CHLSN: variants seen among roughly 807,000 people sequenced by gnomAD.
The protein encoded by CHLSN is protein cholesin.
At chr7:1,126,450 G>A in the CHLSN span, among the ~76,000 whole-genome samples, 2 of 151,822 alleles carry the variant, frequency 1.3e-5, no homozygotes, top group African/African-American at 4.8e-5. Context: ...AGGCCGAGGT[G>A]GGTGGATCAC....
chr7:1,021,553 G>A, the CHLSN span: 1 of 985,446 alleles, frequency 1.0e-6, no homozygotes, highest in Non-Finnish European at 1.2e-6. Flanking sequence ...CACAGGAGTA[G>A]GGCTTCAGCA....
At chr7:1,035,116 T>C in the CHLSN span, among the ~76,000 whole-genome samples, 3 of 151,710 alleles carry the variant, frequency 2.0e-5, no homozygotes, top group East Asian at 1.9e-4. Flanking sequence ...GTCTTTGCTA[T>C]TGTGAACAGT....
the CHLSN span, among the ~76,000 whole-genome samples, chr7:998,453 G>C: frequency 4.4e-5 from 6 of 136,052 alleles, no homozygotes; most frequent in African/African-American, 8.1e-5. Flanking sequence ...CAAAGTCTTA[G>C]ATTCTTTTTT....
chr7:1,055,171 C>T, the CHLSN span: 2 of 461,768 alleles, frequency 4.3e-6, no homozygotes, highest in African/African-American at 4.0e-5. Flanking sequence ...CAGTGCGGTC[C>T]CGTCCAAGCA....
At chr7:999,895 T>TGTCTC in the CHLSN span, among the ~76,000 whole-genome samples, 1 of 152,362 alleles carries the variant, frequency 6.6e-6, no homozygotes, top group Non-Finnish European at 1.5e-5. Context: ...TTCAGAATTC[T>TGTCTC]GTCTCGTTTC....
chr7:1,041,876 G>A, the CHLSN span, among the ~76,000 whole-genome samples: 1 of 151,536 alleles, frequency 6.6e-6, no homozygotes, highest in African/African-American at 2.4e-5. Flanking sequence ...CAGCAGCCCC[G>A]GATCCCTGGG....
At chr7:1,134,112 A>AT in the CHLSN span, among the ~76,000 whole-genome samples, 3 of 152,058 alleles carry the variant, frequency 2.0e-5, no homozygotes, top group Non-Finnish European at 4.4e-5. Flanking sequence ...ATATATATAT[A>AT]TATTTTTTTA....
chr7:1,016,102 C>G, the CHLSN span, among the ~76,000 whole-genome samples: 1 of 112,116 alleles, frequency 8.9e-6, no homozygotes, highest in Non-Finnish European at 1.8e-5. Context: ...CACAGCAGCA[C>G]ACAGCAGCGC....
the CHLSN span, among the ~76,000 whole-genome samples, chr7:1,105,555 T>A: frequency 5.9e-5 from 9 of 151,772 alleles, no homozygotes; most frequent in Non-Finnish European, 1.0e-4. Flanking sequence ...CCAGCCATGC[T>A]TTTAAAAATA....
At chr7:1,059,440 C>T in the CHLSN span, among the ~76,000 whole-genome samples, 476 of 151,980 alleles carry the variant, frequency 3.1e-3, 1 homozygote, top group Non-Finnish European at 5.2e-3. Flanking sequence ...GGGCCCGGAC[C>T]GGCCTGTTCC....
At chr7:1,111,205 A>G in the CHLSN span, among the ~76,000 whole-genome samples, 1 of 152,278 alleles carries the variant, frequency 6.6e-6, no homozygotes, top group African/African-American at 2.4e-5. Context: ...TGTTATTTTT[A>G]GAATTAACTG....
chr7:986,785 C>A, the CHLSN span: 20 of 1,573,584 alleles, frequency 1.3e-5, no homozygotes, highest in Admixed American at 2.5e-4. Context: ...ACGCCCTGAT[C>A]CAGCAGGGAC....
chr7:1,093,003 C>T, the CHLSN span: 1 of 770,024 alleles, frequency 1.3e-6, no homozygotes, highest in East Asian at 2.7e-5. Flanking sequence ...TCACGCTTGC[C>T]TGGTCACCCT....
the CHLSN span, among the ~76,000 whole-genome samples, chr7:1,133,887 G>C: frequency 3.3e-5 from 5 of 152,080 alleles, no homozygotes; most frequent in South Asian, 6.2e-4. Context: ...GCTCACTGCA[G>C]CCTCGACCAC....
the CHLSN span, chr7:1,093,599 A>C: frequency 2.1e-6 from 1 of 471,040 alleles, no homozygotes; most frequent in Non-Finnish European, 4.4e-6. Context: ...AATTGCACTC[A>C]TGTGGACTGG....
the CHLSN span, among the ~76,000 whole-genome samples, chr7:1,016,635 ACGCCAGCG>A: frequency 1.1e-3 from 137 of 129,186 alleles, no homozygotes; most frequent in African/African-American, 1.9e-3. Context: ...ACAGTAGCGC[ACGCCAGCG>A]CACAGCAGCA....
At chr7:989,009 T>C in the CHLSN span, 1 of 537,532 alleles carries the variant, frequency 1.9e-6, no homozygotes, top group South Asian at 2.7e-5. Context: ...TGCCCGACCC[T>C]GTGGGACCCC....
At chr7:1,017,671 T>C in the CHLSN span, among the ~76,000 whole-genome samples, 1 of 152,224 alleles carries the variant, frequency 6.6e-6, no homozygotes, top group African/African-American at 2.4e-5. Flanking sequence ...GAGGGGAGAC[T>C]TCTCCAGTGG....
chr7:1,137,219 T>C, the CHLSN span: 1 of 152,716 alleles, frequency 6.5e-6, no homozygotes, highest in Non-Finnish European at 1.5e-5. Flanking sequence ...CTGCACCTGC[T>C]GTTTCCTCGA....
Sources: gnomAD v4.1 joint callset for allele counts (sites outside exome capture counted in the v4.1 genomes callset) on GRCh38, gnomAD v4.1.1 for gene constraint, MANE v1.5 for transcripts, NCBI Gene and HGNC (gene_info 2026-07-23, HGNC 2026-07-21) for gene names.